The following PDE7A variants were observed in gnomAD, a reference collection of about 807,000 sequenced individuals.
PDE7A encodes the protein high affinity 3',5'-cyclic-AMP phosphodiesterase 7A.
In PDE7A, 39 loss-of-function variants were observed where a neutral mutation model predicts 64.3. That is an observed-to-expected ratio of 0.61 (90% CI 0.47 to 0.79). The LOEUF is 0.79. Among genes scored for constraint, PDE7A ranks in the 30% least tolerant of loss-of-function variants. The probability of loss-of-function intolerance (pLI) is 0.00; values close to 1 mark genes in which losing one functional copy is unlikely to be tolerated. For synonymous variants in PDE7A, 203 were observed against 206.8 expected (o/e 0.98, Z 0.16); for missense variants, 470 against 582.8 (o/e 0.81, Z 1.99).
chr8:65,830,874 C>T (rs1810800528), intron 1 of PDE7A, among the ~76,000 whole-genome samples: 1 of 151,702 alleles, frequency 6.6e-6, no homozygotes, highest in Non-Finnish European at 1.5e-5. Flanking sequence ...GATAAAAATG[C>T]TTTCCAGCAT....
At chr8:65,746,000 G>A (rs1250097996) in intron 4 of PDE7A, among the ~76,000 whole-genome samples, 3 of 151,742 alleles carry the variant, frequency 2.0e-5, no homozygotes, top group African/African-American at 7.3e-5. Context: ...CAAACAAGAC[G>A]GCTCACTGCA....
rs541533983 is a variant in PDE7A at position 65,757,763 on chromosome 8, C to T, written c.284-9960G>A. ...CCTCCTGAGTAGCTGGGACTACAGA[C>T]GTGTGCCACCACGCCCGGCTAACTT... On this transcript the variant is annotated intron_variant, in intron 3 of 12. Coordinates refer to ENST00000401827, the MANE Select transcript of PDE7A (RefSeq NM_001242318.3). Among the ~76,000 whole-genome samples the T allele has an allele frequency of 5.3e-5, 8 of 152,206 alleles. No homozygotes were observed. The East Asian group carries it at 7.7e-4, about 15-fold the overall frequency.
At chr8:65,812,852 AT>A (rs1810289059) in intron 1 of PDE7A, among the ~76,000 whole-genome samples, 1 of 152,258 alleles carries the variant, frequency 6.6e-6, no homozygotes, top group African/African-American at 2.4e-5. Flanking sequence ...CGAAAGACTG[AT>A]AACACCTCAC....
chr8:65,795,199 C>A (rs1043430365), intron 1 of PDE7A, among the ~76,000 whole-genome samples: 1 of 152,214 alleles, frequency 6.6e-6, no homozygotes, highest in Non-Finnish European at 1.5e-5. Flanking sequence ...GCAAGTACTG[C>A]AGGACTTTGA....
intron 7 of PDE7A, chr8:65,727,849 G>A (rs1051743789): frequency 2.6e-5 from 4 of 152,150 alleles, no homozygotes; most frequent in South Asian, 4.1e-4. Context: ...CTCCCCTAAC[G>A]GATGGCTACA....
intron 1 of PDE7A, among the ~76,000 whole-genome samples, chr8:65,805,198 C>T (rs1357707338): frequency 6.6e-6 from 1 of 152,162 alleles, no homozygotes; most frequent in African/African-American, 2.4e-5. Flanking sequence ...GGATATAGTA[C>T]AAGCAGTTTA....
intron 1 of PDE7A, among the ~76,000 whole-genome samples, chr8:65,788,457 CG>C (rs1809618078): frequency 6.6e-6 from 1 of 151,930 alleles, no homozygotes; most frequent in Non-Finnish European, 1.5e-5. Flanking sequence ...GGTGGTTTTT[CG>C]TTTTTAAAAA....
At chr8:65,740,945 A>G (rs1807400278) in intron 5 of PDE7A, among the ~76,000 whole-genome samples, 1 of 152,174 alleles carries the variant, frequency 6.6e-6, no homozygotes, top group Non-Finnish European at 1.5e-5. Context: ...GAGTTTTTGG[A>G]AAGAGCTGCT....
rs1806278732 is a variant in PDE7A at position 65,719,323 on chromosome 8, T to A, written c.1416A>T (p.Ser472=). Residue 472 remains serine, a synonymous_variant, in exon 13 of 13, where the codon TCA becomes TCT. Transcript: ENST00000401827. ...ACCGATTTTCCTGAGGTAATAACTG[T>A]GAGTTCAACTCAAATGCAGCATCAG... ...EDTDAAFELN[S]QLLPQENRLS is the part of the protein sequence containing the mutation. 1 of 1,613,906 alleles carries A rather than the reference T, an allele frequency of 6.2e-7. No individual in the cohort carries two copies. The highest frequency in any genetic ancestry group is 8.5e-7 in the Non-Finnish European group (1 of 1,179,880).
intron 12 of PDE7A, among the ~76,000 whole-genome samples, chr8:65,721,121 G>C (rs935482109): frequency 2.0e-5 from 3 of 152,032 alleles, no homozygotes; most frequent in African/African-American, 7.3e-5. Flanking sequence ...CTCTCTCTTG[G>C]AGGGCAGGAC....
At chr8:65,798,687 CAAG>C (rs1397584165) in intron 1 of PDE7A, among the ~76,000 whole-genome samples, 2 of 152,130 alleles carry the variant, frequency 1.3e-5, no homozygotes, top group Non-Finnish European at 2.9e-5. Flanking sequence ...CTATTAACCA[CAAG>C]AATGGCTAAA....
intron 5 of PDE7A, among the ~76,000 whole-genome samples, chr8:65,740,934 C>T (rs1585853843): frequency 6.6e-6 from 1 of 152,126 alleles, no homozygotes; most frequent in African/African-American, 2.4e-5. Context: ...CCTACAGAGC[C>T]GAGTTTTTGG....
At chr8:65,729,383 T>TTTTTTTTTTTA (rs1806745036) in intron 7 of PDE7A, among the ~76,000 whole-genome samples, 1 of 150,472 alleles carries the variant, frequency 6.6e-6, no homozygotes. Context: ...TTTTTTTTTT[T>TTTTTTTTTTTA]TTTTGGCTAA....
At chr8:65,770,429 A>G (rs1035067131) in intron 3 of PDE7A, among the ~76,000 whole-genome samples, 1 of 152,218 alleles carries the variant, frequency 6.6e-6, no homozygotes, top group Non-Finnish European at 1.5e-5. Context: ...TTATAAAATC[A>G]TCAGATTTCG....
At chr8:65,836,388 A>G (rs1358029082) in intron 1 of PDE7A, among the ~76,000 whole-genome samples, 3 of 152,264 alleles carry the variant, frequency 2.0e-5, no homozygotes, top group African/African-American at 7.2e-5. Context: ...TCAGTGTACC[A>G]CACTGCATCT....
rs539860541 is a variant in PDE7A at position 65,834,315 on chromosome 8, G to A, written c.138+7056C>T. Among the ~76,000 whole-genome samples, 21 of 152,128 alleles carry A rather than the reference G, an allele frequency of 1.4e-4. No homozygotes were observed. In the East Asian group the frequency reaches 3.3e-3, roughly 24 times the overall value. ...AATAACATTTTCTTTTCTCTAGCTT[G>A]CTTTATTGTAAGACAGAATATAATA... On this transcript the variant is annotated intron_variant, in intron 1 of 12. Coordinates refer to ENST00000401827, the MANE Select transcript of PDE7A (RefSeq NM_001242318.3).
At chr8:65,839,735 G>C (rs760607851) in intron 1 of PDE7A, among the ~76,000 whole-genome samples, 1 of 152,020 alleles carries the variant, frequency 6.6e-6, no homozygotes, top group Non-Finnish European at 1.5e-5. Context: ...TAAACCTAAG[G>C]CTGGAAAAAT....
chr8:65,797,466 G>A (rs1809870478), intron 1 of PDE7A, among the ~76,000 whole-genome samples: 3 of 151,144 alleles, frequency 2.0e-5, no homozygotes, highest in African/African-American at 7.4e-5. Context: ...GAAGCTAGAA[G>A]AGGCAACTGC....
At position 65,719,137 on chromosome 8, in the gene PDE7A, AT is replaced by A; in HGVS notation, c.*152del. The A allele has an allele frequency of 1.6e-6, 1 of 622,456 alleles. No individual in the cohort carries two copies. The highest frequency in any genetic ancestry group is 2.9e-6 in the Non-Finnish European group (1 of 348,284). 38.6% of individuals were successfully genotyped at this position (622,456 alleles called of 1,614,324 possible). On this transcript the variant is annotated 3_prime_UTR_variant, in exon 13 of 13. Transcript: ENST00000401827. ...TGCAATTAACAAGTGGGTTCAAATGATCCAACAGAGGAAATCTTGGAAATAA... is the reference window on the plus strand; with the variant it reads ...TGCAATTAACAAGTGGGTTCAAATGACCAACAGAGGAAATCTTGGAAATAA...
Sources: allele counts gnomAD v4.1 joint callset (sites outside exome capture counted in the v4.1 genomes callset), GRCh38; gene constraint gnomAD v4.1.1; transcripts MANE v1.5; gene names NCBI Gene and HGNC (gene_info 2026-07-23, HGNC 2026-07-21).